Variants in DSTYK observed in about 807,000 individuals in gnomAD.
The protein encoded by DSTYK is RIP-homologous kinase.
DSTYK carries 34 observed loss-of-function variants against 98.7 expected under a neutral mutation model. The ratio of observed to expected loss-of-function variants is 0.34; its 90% CI spans 0.26 to 0.46. The LOEUF (loss-of-function observed/expected upper bound fraction) is 0.46. Among genes scored for constraint, DSTYK ranks in the 20% least tolerant of loss-of-function variants. The probability of loss-of-function intolerance (pLI) is 1.00; values close to 1 mark genes in which losing one functional copy is unlikely to be tolerated. For missense variants in DSTYK, 962 were observed against 1,181.7 expected, an observed-to-expected ratio of 0.81 and a Z score of 2.73; for synonymous variants, 462 against 457.3, an observed-to-expected ratio of 1.01 and a Z score of -0.13.
At position 205,147,628 on chromosome 1, in the gene DSTYK, T is replaced by G; in HGVS notation, c.2720A>C (p.Gln907Pro). Reference sequence around the variant, plus strand: ...CTTGCAGAGCCGATTCATGATGCCCTGGAGCATGGGCTGGACAATGCCCAA... The same window carrying G: ...CTTGCAGAGCCGATTCATGATGCCCGGGAGCATGGGCTGGACAATGCCCAA... ...PLLGIVQPML[Q>P]GIMNRLCKSN... The change falls in exon 13 of 13, where the codon CAG (glutamine) becomes CCG (proline). Residue 907 changes from glutamine (Q) to proline (P), a missense_variant. Coordinates refer to ENST00000367162, the MANE Select transcript of DSTYK (RefSeq NM_015375.3). 6.2e-7 allele frequency: 1 copy of G among 1,614,144 alleles called. No homozygotes were observed. The highest frequency in any genetic ancestry group is 8.5e-7 in the Non-Finnish European group (1 of 1,179,954).
chr1:205,175,082 G>A (rs1005961784), intron 2 of DSTYK, among the ~76,000 whole-genome samples: 1 of 146,190 alleles, frequency 6.8e-6, no homozygotes, highest in Middle Eastern at 3.9e-3. Flanking sequence ...TGATATATTG[G>A]CACCCACAAA....
chr1:205,153,827 C>T (rs945960805), intron 10 of DSTYK, among the ~76,000 whole-genome samples: 1 of 151,118 alleles, frequency 6.6e-6, no homozygotes, highest in Admixed American at 6.6e-5. Flanking sequence ...CCTCAGCCTC[C>T]TAAGTAGCTG....
In DSTYK at chr1:205,159,536, T is replaced by C; in HGVS notation, c.2238+11A>G. On this transcript the variant is annotated intron_variant, in intron 9 of 12. Transcript: ENST00000367162. ...GATTTGGCTGCCAGCTGGATCTTGC[T>C]CTCTCCTTACCTTCAGCCCTGTGTA... 6 of 1,606,148 alleles carry C rather than the reference T, an allele frequency of 3.7e-6. No homozygotes were observed. Among genetic ancestry groups the C allele is most frequent in the Non-Finnish European group, 5.1e-6 (6 of 1,176,450 alleles).
chr1:205,170,404 T>C (rs2102415416), intron 2 of DSTYK, among the ~76,000 whole-genome samples: 1 of 152,344 alleles, frequency 6.6e-6, no homozygotes, highest in South Asian at 2.1e-4. Context: ...AACATATTTA[T>C]AATCCACTTC....
chr1:205,185,868 C>T (rs184287084), intron 2 of DSTYK, among the ~76,000 whole-genome samples: 11 of 151,938 alleles, frequency 7.2e-5, no homozygotes, highest in Non-Finnish European at 1.3e-4. Context: ...ACTAAAATTA[C>T]AAAAATTAGC....
chr1:205,150,775 G>C lies in DSTYK; in HGVS notation c.2372C>G (p.Ala791Gly), dbSNP rs761926928. ...KNVLLDKQNR[A>G]KITDLGFCKP... is the part of the protein sequence containing the mutation. The stretch of plus-strand genomic sequence containing the variant: ...GCAGAATCCTAAGTCAGTGATCTTG[G>C]CACGGTTCTGCTTATCCAGCTGCCA... Residue 791 changes from alanine to glycine, a missense_variant, in exon 11 of 13, where the codon GCC becomes GGC. Transcript: ENST00000367162. This position sits in a 1 kb window ranked among gnomAD's most constrained non-coding sequence, Gnocchi z 4.1. The C allele has an allele frequency of 6.2e-7, 1 of 1,614,074 alleles. No individual in the cohort carries two copies. The highest frequency in any genetic ancestry group is 1.1e-5 in the South Asian group (1 of 91,074).
chr1:205,204,230 A>G (rs1200691346), intron 1 of DSTYK, among the ~76,000 whole-genome samples: 6 of 152,156 alleles, frequency 3.9e-5, no homozygotes, highest in Admixed American at 2.0e-4. Flanking sequence ...GTGACGACTC[A>G]TCTGTAACAG....
In DSTYK at chr1:205,144,743, C is replaced by T. The variant is rs1260916896; in HGVS notation, c.*2815G>A. ...AAGAAAATGAACTGTAACACAACTA[C>T]TCATCTCCTTACTTATATCAGTCCC... On this transcript the variant is annotated 3_prime_UTR_variant, in exon 13 of 13. Transcript: ENST00000367162. 1 of 152,170 alleles carries T rather than the reference C, an allele frequency of 6.6e-6. No homozygotes were observed. The highest frequency in any genetic ancestry group is 1.5e-5 in the Non-Finnish European group (1 of 68,032). 9.4% of individuals were successfully genotyped at this position (152,170 alleles called of 1,614,324 possible).
At chr1:205,161,935 C>CAG in intron 6 of DSTYK, 101 bp downstream of exon 6, 1 of 1,163,780 alleles carries the variant, frequency 8.6e-7, no homozygotes, top group East Asian at 2.4e-5. Flanking sequence ...CACACAGACA[C>CAG]ACACACATAT....
chr1:205,158,629 A>C (rs953460165), intron 9 of DSTYK, among the ~76,000 whole-genome samples: 1 of 152,208 alleles, frequency 6.6e-6, no homozygotes, highest in African/African-American at 2.4e-5. Flanking sequence ...TGATTCCCAA[A>C]ATGAACCAGC....
At chr1:205,156,842 T>C (rs1203936993) in intron 10 of DSTYK, among the ~76,000 whole-genome samples, 2 of 152,178 alleles carry the variant, frequency 1.3e-5, no homozygotes, top group Non-Finnish European at 2.9e-5. Context: ...TGAATTGTAG[T>C]TCCCATAATC....
chr1:205,158,610 T>C (rs958658828), intron 9 of DSTYK, among the ~76,000 whole-genome samples: 1 of 152,176 alleles, frequency 6.6e-6, no homozygotes, highest in African/African-American at 2.4e-5. Flanking sequence ...CTTTGCACAT[T>C]ATGTCTCCTG....
intron 10 of DSTYK, among the ~76,000 whole-genome samples, chr1:205,155,070 T>A (rs1478833431): frequency 6.6e-6 from 1 of 152,030 alleles, no homozygotes; most frequent in Non-Finnish European, 1.5e-5. Flanking sequence ...CTGCAACCTC[T>A]GCCTCCCAGG....
chr1:205,148,586 G>T (rs1294964620), intron 11 of DSTYK, among the ~76,000 whole-genome samples: 4 of 152,148 alleles, frequency 2.6e-5, no homozygotes, highest in African/African-American at 9.7e-5. Context: ...AAAGGAGAAG[G>T]AAAATAAGGC....
intron 2 of DSTYK, among the ~76,000 whole-genome samples, chr1:205,175,222 T>TA (rs1658193932): frequency 6.6e-6 from 1 of 151,712 alleles, no homozygotes; most frequent in Non-Finnish European, 1.5e-5. Context: ...TGCCTCAGCC[T>TA]CCCATGTTGC....
chr1:205,207,654 G>A lies in DSTYK; in HGVS notation c.265+3617C>T, dbSNP rs185852064. On this transcript the variant is annotated intron_variant, in intron 1 of 12. Transcript: ENST00000367162. ...GCCTATAGTCCCAGCTACTCAGGAC[G>A]CTGAAGCAGGAGAATCACGTGAACA... is the stretch of plus-strand genomic sequence containing the variant. 2.9e-4 allele frequency among the ~76,000 whole-genome samples: 42 copies of A among 144,700 alleles called. No individual in the cohort carries two copies. In the East Asian group the frequency reaches 8.9e-3, roughly 31 times the overall value. The allele number at this position is 144,700 out of a possible 152,430, so 94.9% of individuals were successfully genotyped here. A position where few individuals can be genotyped will look rare whatever the true frequency, so the allele number is the denominator to read the frequency against.
At chr1:205,172,081 C>A (rs1404917142) in intron 2 of DSTYK, among the ~76,000 whole-genome samples, 2 of 152,018 alleles carry the variant, frequency 1.3e-5, no homozygotes, top group African/African-American at 4.8e-5. Context: ...CTCAGCCTCC[C>A]GAGTAGCTGG....
In DSTYK at chr1:205,159,089, T is replaced by TAAA. The variant is rs1558602438; in HGVS notation, c.2238+457_2238+458insTTT. ...TAGGTTCTGATAAATCTTTAAAAAT[T>TAAA]TTTTTTTTTTATTTTTAGAGATAGG... On this transcript the variant is annotated intron_variant, in intron 9 of 12. Transcript: ENST00000367162. Among the ~76,000 whole-genome samples, 1,261 of 148,534 alleles carry TAAA rather than the reference T, an allele frequency of 8.5e-3. 19 individuals are homozygous for TAAA. Among genetic ancestry groups the TAAA allele is most frequent in the African/African-American group, 0.031 (1,209 of 39,094 alleles).
intron 2 of DSTYK, among the ~76,000 whole-genome samples, chr1:205,176,717 A>T (rs1193268653): frequency 1.3e-5 from 2 of 151,884 alleles, no homozygotes; most frequent in Non-Finnish European, 2.9e-5. Flanking sequence ...TGCTAGGATT[A>T]TAGGCATGTG....
Sources: gnomAD v4.1 joint callset for allele counts (sites outside exome capture counted in the v4.1 genomes callset) on GRCh38, gnomAD v4.1.1 for gene constraint, Gnocchi (gnomAD v3.1) non-coding constraint, MANE v1.5 for transcripts, NCBI Gene and HGNC (gene_info 2026-07-23, HGNC 2026-07-21) for gene names.